Variants in EMCN observed in about 807,000 individuals in gnomAD.
The protein encoded by EMCN is MUC-14.
EMCN carries 37 observed loss-of-function variants against 38.4 expected under a neutral mutation model. The observed-to-expected ratio is 0.96, with a 90% CI of 0.74 to 1.27. The LOEUF (loss-of-function observed/expected upper bound fraction) is 1.27, where lower values mean the gene tolerates loss of function less well. Ranked by LOEUF, EMCN falls within the 50% of genes most tolerant of loss-of-function variation. The pLI, the probability that EMCN is intolerant of heterozygous loss-of-function variation, is 0.00. For missense variants in EMCN, 318 were observed against 302.8 expected (o/e 1.05, Z -0.37); for synonymous variants, 95 against 100.8 (o/e 0.94, Z 0.35).
At chr4:100,517,317 A>G (rs1729784215) in intron 1 of EMCN, among the ~76,000 whole-genome samples, 1 of 152,084 alleles carries the variant, frequency 6.6e-6, no homozygotes, top group African/African-American at 2.4e-5. Context: ...TATAGACTGT[A>G]ATCAAATGAA....
intron 10 of EMCN, among the ~76,000 whole-genome samples, chr4:100,412,335 C>T (rs1300581759): frequency 1.3e-5 from 2 of 152,056 alleles, no homozygotes; most frequent in African/African-American, 4.8e-5. Context: ...TCAGAGTCTT[C>T]CAAGTAGAGG....
At chr4:100,407,803 T>G (rs1726436744) in intron 11 of EMCN, among the ~76,000 whole-genome samples, 1 of 152,200 alleles carries the variant, frequency 6.6e-6, no homozygotes, top group South Asian at 2.1e-4. Flanking sequence ...TCATGGACAA[T>G]ATCCTCAAAC....
At chr4:100,515,252 C>G (rs563234890) in intron 1 of EMCN, among the ~76,000 whole-genome samples, 30 of 152,096 alleles carry the variant, frequency 2.0e-4, no homozygotes, top group African/African-American at 7.2e-4. Flanking sequence ...TTCTCTCAGC[C>G]CTGAAAGTCA....
At chr4:100,457,800 A>T (rs913004480) in intron 4 of EMCN, among the ~76,000 whole-genome samples, 9 of 152,090 alleles carry the variant, frequency 5.9e-5, no homozygotes, top group African/African-American at 2.2e-4. Context: ...GTATCTGCCT[A>T]ATTTTAGTCT....
At chr4:100,445,524 C>T (rs1727645336) in intron 5 of EMCN, among the ~76,000 whole-genome samples, 1 of 152,050 alleles carries the variant, frequency 6.6e-6, no homozygotes, top group Admixed American at 6.6e-5. Context: ...TCCATATTTG[C>T]TTATATTTAT....
rs139985877 is a variant in EMCN at position 100,459,459 on chromosome 4, A to G, written c.376+5964T>C. Among the ~76,000 whole-genome samples the G allele has an allele frequency of 4.6e-5, 7 of 152,286 alleles. No individual in the cohort carries two copies. In the East Asian group the frequency reaches 1.4e-3, roughly 29 times the overall value. ...TCTACTCTCTTAGTGATTTTCAAGT[A>G]GAAAATACATTATTATTAATTATAG... On this transcript the variant is annotated intron_variant, in intron 4 of 11. Transcript: ENST00000296420.
intron 5 of EMCN, among the ~76,000 whole-genome samples, chr4:100,434,881 T>C (rs1727306083): frequency 6.6e-6 from 1 of 152,068 alleles, no homozygotes; most frequent in Admixed American, 6.6e-5. Context: ...TACCTCTAAA[T>C]AATAAGAGCC....
chr4:100,446,256 AT>A, intron 5 of EMCN: 1 of 955,668 alleles, frequency 1.0e-6, no homozygotes, highest in South Asian at 4.8e-5. Context: ...GCCTATGAAG[AT>A]GGAAATAATA....
intron 1 of EMCN, among the ~76,000 whole-genome samples, chr4:100,496,495 C>G (rs867662458): frequency 6.6e-6 from 1 of 152,242 alleles, no homozygotes; most frequent in Middle Eastern, 3.4e-3. Flanking sequence ...TATTTTCTTA[C>G]TCTTTTTCTT....
intron 4 of EMCN, among the ~76,000 whole-genome samples, chr4:100,464,782 T>G (rs1728270317): frequency 6.6e-6 from 1 of 152,116 alleles, no homozygotes; most frequent in Non-Finnish European, 1.5e-5. Flanking sequence ...TTATCGAGGA[T>G]ATTTGCATCT....
At chr4:100,400,189 T>A (rs954757906) in intron 11 of EMCN, among the ~76,000 whole-genome samples, 7 of 152,158 alleles carry the variant, frequency 4.6e-5, no homozygotes, top group Non-Finnish European at 7.4e-5. Context: ...ACAGACATTT[T>A]AAAAAATACA....
chr4:100,499,394 T>C (rs966977964), intron 1 of EMCN, among the ~76,000 whole-genome samples: 1 of 152,218 alleles, frequency 6.6e-6, no homozygotes, highest in Non-Finnish European at 1.5e-5. Flanking sequence ...TGTTACCACA[T>C]TGAAATGATT....
At chr4:100,458,741 T>G (rs1033052187) in intron 4 of EMCN, among the ~76,000 whole-genome samples, 5 of 152,162 alleles carry the variant, frequency 3.3e-5, no homozygotes, top group Admixed American at 2.0e-4. Context: ...TGACCTTCAC[T>G]CAAACAGTTT....
intron 1 of EMCN, among the ~76,000 whole-genome samples, chr4:100,512,227 C>T (rs1729644728): frequency 6.6e-6 from 1 of 152,170 alleles, no homozygotes; most frequent in African/African-American, 2.4e-5. Context: ...ATTATCTCTA[C>T]ATATATCATT....
At chr4:100,462,312 T>C (rs1728201395) in intron 4 of EMCN, among the ~76,000 whole-genome samples, 2 of 152,074 alleles carry the variant, frequency 1.3e-5, no homozygotes, top group South Asian at 4.1e-4. Context: ...TTAAACTGAG[T>C]TTAGAAGCTA....
chr4:100,405,924 G>T (rs532163832), intron 11 of EMCN, among the ~76,000 whole-genome samples: 23 of 151,892 alleles, frequency 1.5e-4, no homozygotes, highest in Non-Finnish European at 1.6e-4. Context: ...TCTGTTCAGG[G>T]TTTCAATTTA....
chr4:100,426,398 T>A (rs944427518), intron 5 of EMCN, among the ~76,000 whole-genome samples: 1 of 152,088 alleles, frequency 6.6e-6, no homozygotes, highest in Non-Finnish European at 1.5e-5. Context: ...GAACCTCCCC[T>A]AGAATGCATG....
intron 3 of EMCN, among the ~76,000 whole-genome samples, chr4:100,468,454 T>C (rs1189868292): frequency 1.3e-5 from 2 of 152,090 alleles, no homozygotes; most frequent in Non-Finnish European, 2.9e-5. Context: ...GGGAGGGAGA[T>C]TGGCAGCTTT....
chr4:100,483,529 C>A (rs965907572), intron 1 of EMCN: 6 of 152,004 alleles, frequency 3.9e-5, no homozygotes, highest in African/African-American at 7.2e-5. Context: ...TCAAGTGCCA[C>A]ATATATACAT....
Sources: allele counts gnomAD v4.1 joint callset (sites outside exome capture counted in the v4.1 genomes callset), GRCh38; gene constraint gnomAD v4.1.1; transcripts MANE v1.5; gene names NCBI Gene and HGNC (gene_info 2026-07-23, HGNC 2026-07-21).